Variants in SLC6A20 observed in about 807,000 individuals in gnomAD.
The protein encoded by SLC6A20 is solute carrier family 6 member 20.
Under a neutral mutation model 64.3 loss-of-function variants are expected in SLC6A20, and 73 were observed. The observed-to-expected ratio is 1.14, with a 90% CI of 0.94 to 1.38. The LOEUF (loss-of-function observed/expected upper bound fraction) is 1.38. SLC6A20 is among the 40% of genes most tolerant of loss of function. The pLI, the probability that SLC6A20 is intolerant of heterozygous loss-of-function variation, is 0.00. For missense variants in SLC6A20, 725 were observed against 772.8 expected (o/e 0.94, Z 0.73); for synonymous variants, 347 against 329.6 (o/e 1.05, Z -0.57).
chr3:45,767,882 A>G (rs1398612971), intron 7 of SLC6A20, among the ~76,000 whole-genome samples: 1 of 152,250 alleles, frequency 6.6e-6, no homozygotes, highest in Non-Finnish European at 1.5e-5. Flanking sequence ...AAGTGTTGAG[A>G]GAAAATAATT....
Position 45,765,541 on chromosome 3 carries a change from G to A in SLC6A20, c.1299C>T (p.Ile433=). Residue 433 remains isoleucine (I), a synonymous_variant, in exon 8 of 11, where the codon ATC becomes ATT. Transcript: ENST00000358525. The surrounding 1 kb of genome is among the most constrained non-coding windows in gnomAD (Gnocchi z 4.2). ...CCACTGGCTGGCCCCGCTGACCTGA[G>A]ATGGCCTCCTTGGGCAGGTGGCTGG... ...IISSHLPKEA[I]SGLVCLVNCA... 1 of 1,612,508 alleles carries A rather than the reference G, an allele frequency of 6.2e-7. No individual in the cohort carries two copies. The highest frequency in any genetic ancestry group is 8.5e-7 in the Non-Finnish European group (1 of 1,179,426).
At chr3:45,761,106 T>C (rs1342882465) in intron 9 of SLC6A20, among the ~76,000 whole-genome samples, 1 of 152,172 alleles carries the variant, frequency 6.6e-6, no homozygotes, top group Non-Finnish European at 1.5e-5. Flanking sequence ...GCTGACGTAG[T>C]TGGACTCTAG....
intron 7 of SLC6A20, among the ~76,000 whole-genome samples, chr3:45,767,464 G>A (rs1410617335): frequency 6.6e-6 from 1 of 152,102 alleles, no homozygotes; most frequent in Non-Finnish European, 1.5e-5. Flanking sequence ...TGAAAAGAGA[G>A]TTAGTGAACT....
At chr3:45,784,389 C>G (rs1700141328) in intron 1 of SLC6A20, among the ~76,000 whole-genome samples, 1 of 152,082 alleles carries the variant, frequency 6.6e-6, no homozygotes, top group Admixed American at 6.6e-5. Context: ...CAACTAAAAG[C>G]TATAAAACTT....
At chr3:45,779,398 C>T (rs571661584) in intron 3 of SLC6A20, among the ~76,000 whole-genome samples, 82 of 152,342 alleles carry the variant, frequency 5.4e-4, no homozygotes, top group African/African-American at 1.9e-3. Context: ...TAGCCCCTTC[C>T]ACTTTTCTAC....
intron 7 of SLC6A20, among the ~76,000 whole-genome samples, chr3:45,770,001 G>A (rs530878130): frequency 1.2e-4 from 18 of 152,296 alleles, no homozygotes; most frequent in Admixed American, 3.3e-4. Context: ...AGAGAGGTCC[G>A]CCAGGAAGTT....
intron 1 of SLC6A20, among the ~76,000 whole-genome samples, chr3:45,785,352 G>A (rs1700152963): frequency 6.6e-6 from 1 of 152,184 alleles, no homozygotes; most frequent in Non-Finnish European, 1.5e-5. Flanking sequence ...GCTGGGAAAG[G>A]CAGACCCACC....
intron 7 of SLC6A20, among the ~76,000 whole-genome samples, chr3:45,766,910 G>A (rs1469577650): frequency 3.9e-5 from 6 of 152,208 alleles, no homozygotes; most frequent in Non-Finnish European, 8.8e-5. Flanking sequence ...GGCTTAGGTG[G>A]GAGGATCACT....
At chr3:45,780,671 T>A (rs2125651052) in intron 2 of SLC6A20, among the ~76,000 whole-genome samples, 1 of 151,990 alleles carries the variant, frequency 6.6e-6, no homozygotes, top group Admixed American at 6.5e-5. Flanking sequence ...AAACCCAGGG[T>A]GCGGCCTGAG....
In SLC6A20 at chr3:45,779,926, A is replaced by T. The variant is rs1019070606; in HGVS notation, c.354+83T>A. 3 of 1,446,728 alleles carry T rather than the reference A, an allele frequency of 2.1e-6. No individual in the cohort carries two copies. In the African/African-American group the frequency reaches 4.3e-5, roughly 21 times the overall value. 89.6% of individuals were successfully genotyped at this position (1,446,728 alleles called of 1,614,324 possible). On this transcript the variant is annotated intron_variant, in intron 3 of 10. Coordinates refer to ENST00000358525, the MANE Select transcript of SLC6A20 (RefSeq NM_020208.4). Reference sequence around the variant, plus strand: ...CCCGAGGCTGCTCACCTTGCCCCACACCCCCTTCCCCGAGCGGGTGGCCCT... The same window carrying T: ...CCCGAGGCTGCTCACCTTGCCCCACTCCCCCTTCCCCGAGCGGGTGGCCCT...
chr3:45,783,630 T>C (rs1198985427), intron 1 of SLC6A20, among the ~76,000 whole-genome samples: 3 of 152,262 alleles, frequency 2.0e-5, no homozygotes, highest in Non-Finnish European at 2.9e-5. Flanking sequence ...GTTTGTGTAT[T>C]TCCTTGGGAT....
At chr3:45,759,490 T>A (rs1699622931) in intron 10 of SLC6A20, among the ~76,000 whole-genome samples, 2 of 152,220 alleles carry the variant, frequency 1.3e-5, no homozygotes. Flanking sequence ...GAATGGGACT[T>A]TCCCGTGAAG....
intron 4 of SLC6A20, 42 bp downstream of exon 4, chr3:45,775,719 C>T (rs370908802): frequency 2.0e-5 from 31 of 1,572,614 alleles, no homozygotes; most frequent in Non-Finnish European, 2.1e-5. Flanking sequence ...TGCACCCTCC[C>T]ACCCACCAGG....
rs2125717829 is a variant in SLC6A20 at position 45,762,389 on chromosome 3, G to A, written c.1463+524C>T. Among the ~76,000 whole-genome samples, 2 of 152,344 alleles carry A rather than the reference G, an allele frequency of 1.3e-5. 1 individual carries two copies. The highest frequency in any genetic ancestry group is 4.1e-4 in the South Asian group (2 of 4,832). On this transcript the variant is annotated intron_variant, in intron 9 of 10. Transcript: ENST00000358525. ...CCAAGGGACTCTGAGGCACACTCGAGTTTGAAGGTTGCTCTAGACCAGTGG... is the reference window on the plus strand; with the variant it reads ...CCAAGGGACTCTGAGGCACACTCGAATTTGAAGGTTGCTCTAGACCAGTGG...
At chr3:45,781,624 C>G (rs1043162269) in intron 2 of SLC6A20, among the ~76,000 whole-genome samples, 1 of 152,204 alleles carries the variant, frequency 6.6e-6, no homozygotes, top group Non-Finnish European at 1.5e-5. Context: ...TGGCACTCCA[C>G]AACACCTCAG....
At chr3:45,767,087 C>T (rs1699789945) in intron 7 of SLC6A20, among the ~76,000 whole-genome samples, 1 of 152,190 alleles carries the variant, frequency 6.6e-6, no homozygotes, top group Non-Finnish European at 1.5e-5. Context: ...TATAGTATAC[C>T]AGTTGCTCAG....
rs772624339 is a variant in SLC6A20, at chr3:45,758,990, G to A, written c.1767C>T (p.Asp589=). The stretch of plus-strand genomic sequence containing the variant: ...GGAAGCCCACATCTCAGGCCACGGG[G>A]TCTGCGTCTCCCCTCTTGAGGCGAC... ...VQRRLKRGDA[D]PVA The change falls in exon 11 of 11, where the codon GAC becomes GAT. Residue 589 remains aspartate (D), a synonymous_variant. Transcript: ENST00000358525. 3 of 1,606,890 alleles carry A rather than the reference G, an allele frequency of 1.9e-6. No individual in the cohort carries two copies. Among genetic ancestry groups the A allele is most frequent in the Non-Finnish European group, 2.6e-6 (3 of 1,176,472 alleles).
intron 1 of SLC6A20, among the ~76,000 whole-genome samples, chr3:45,786,755 G>C (rs1029499842): frequency 2.0e-5 from 3 of 152,202 alleles, no homozygotes; most frequent in African/African-American, 7.2e-5. Flanking sequence ...GCCAGATGGC[G>C]ATTTCCTAAT....
In SLC6A20 at chr3:45,765,976, C is replaced by T. The variant is rs1191522715; in HGVS notation, c.1099-235G>A. ...GAGAACTTGTAGCCAGCCTGCAACA[C>T]TGAGTTCCCCTCTCCTGCCCCAACT... On this transcript the variant is annotated intron_variant, in intron 7 of 10. Coordinates refer to ENST00000358525, the MANE Select transcript of SLC6A20 (RefSeq NM_020208.4). The surrounding 1 kb of genome is among the most constrained non-coding windows in gnomAD (Gnocchi z 4.2). Among the ~76,000 whole-genome samples, 1 of 152,234 alleles carries T rather than the reference C, an allele frequency of 6.6e-6. No individual in the cohort carries two copies. The highest frequency in any genetic ancestry group is 6.5e-5 in the Admixed American group (1 of 15,286).
Sources: allele counts gnomAD v4.1 joint callset (sites outside exome capture counted in the v4.1 genomes callset), GRCh38; gene constraint gnomAD v4.1.1; non-coding constraint Gnocchi (gnomAD v3.1); transcripts MANE v1.5; gene names NCBI Gene and HGNC (gene_info 2026-07-23, HGNC 2026-07-21).